Variants in GIT1 observed in about 807,000 individuals in gnomAD.
GIT1 encodes ARF GTPase-activating protein GIT1.
In GIT1, 14 loss-of-function variants were observed where a neutral mutation model predicts 91.7. The ratio of observed to expected loss-of-function variants is 0.15; its 90% CI spans 0.10 to 0.24. The LOEUF (loss-of-function observed/expected upper bound fraction) is 0.24. GIT1 is among the 10% of genes least tolerant of loss of function. The pLI is 1.00. For synonymous variants in GIT1, 414 were observed against 418.2 expected, an observed-to-expected ratio of 0.99 and a Z score of 0.12; for missense variants, 717 against 1,024.9, an observed-to-expected ratio of 0.70 and a Z score of 4.10.
In GIT1 at chr17:29,581,922, C is replaced by G; in HGVS notation, c.623+5G>C. 6.2e-7 allele frequency: 1 copy of G among 1,612,766 alleles called. No homozygotes were observed. Among genetic ancestry groups the G allele is most frequent in the East Asian group, 2.2e-5 (1 of 44,876 alleles). On this transcript the variant is annotated splice_donor_5th_base_variant and intron_variant, in intron 5 of 19. Coordinates refer to ENST00000225394, the MANE Select transcript of GIT1 (RefSeq NM_014030.4). The surrounding 1 kb of genome is among the most constrained non-coding windows in gnomAD (Gnocchi z 4.8). ...CCCACACTGCACCCTTCAGCCGACC[C>G]TCACCTGGCATAGTCAATGGGTGTG...
chr17:29,575,997 C>A lies in GIT1; in HGVS notation c.1665+81G>T. Reference sequence around the variant, plus strand: ...ACCAGGTCAGTCTAATCATCTTAAGCCCCGAATTCAGCACAGAGCCCAGAA... The same window carrying A: ...ACCAGGTCAGTCTAATCATCTTAAGACCCGAATTCAGCACAGAGCCCAGAA... On this transcript the variant is annotated intron_variant, in intron 15 of 19. Coordinates refer to ENST00000225394, the MANE Select transcript of GIT1 (RefSeq NM_014030.4). This position sits in a 1 kb window ranked among gnomAD's most constrained non-coding sequence, Gnocchi z 5.5. The A allele has an allele frequency of 6.4e-7, 1 of 1,557,384 alleles. No individual in the cohort carries two copies. Among genetic ancestry groups the A allele is most frequent in the Non-Finnish European group, 8.9e-7 (1 of 1,129,604 alleles).
Position 29,581,676 on chromosome 17 carries a change from C to G in GIT1, c.718+66G>C. ...CCATGGCACCTGCTGCCGGGTGCGTCCAGGTCCCACCTGCCCAGCCCCAGC... is the reference window on the plus strand; with the variant it reads ...CCATGGCACCTGCTGCCGGGTGCGTGCAGGTCCCACCTGCCCAGCCCCAGC... On this transcript the variant is annotated intron_variant, in intron 6 of 19. Transcript: ENST00000225394. This position sits in a 1 kb window ranked among gnomAD's most constrained non-coding sequence, Gnocchi z 4.8. The G allele has an allele frequency of 7.8e-7, 1 of 1,290,254 alleles. No homozygotes were observed. Among genetic ancestry groups the G allele is most frequent in the Non-Finnish European group, 1.1e-6 (1 of 899,790 alleles). 79.9% of individuals were successfully genotyped at this position (1,290,254 alleles called of 1,614,324 possible).
At position 29,578,360 on chromosome 17, in the gene GIT1, C is replaced by T; in HGVS notation, c.822G>A (p.Arg274=). The T allele has an allele frequency of 1.2e-6, 2 of 1,614,152 alleles. No homozygotes were observed. The highest frequency in any genetic ancestry group is 2.2e-5 in the South Asian group (2 of 91,080). Reference sequence around the variant, plus strand: ...CGTCCATGGCGAGTTCCTCAAAAAGCCGGTTGCTGAGCTGGAGGAAGAGAG... The same window carrying T: ...CGTCCATGGCGAGTTCCTCAAAAAGTCGGTTGCTGAGCTGGAGGAAGAGAG... The part of the protein sequence containing the change: ...AKKKLQALSN[R]LFEELAMDVY... The change falls in exon 9 of 20, where the codon CGG becomes CGA. Residue 274 remains arginine, a synonymous_variant. Transcript: ENST00000225394.
rs1232469914 is a variant in GIT1 at position 29,573,868 on chromosome 17, CAT to C, written c.*832_*833del. On this transcript the variant is annotated 3_prime_UTR_variant, in exon 20 of 20. Transcript: ENST00000225394. ...AGGGAAGTGGTTTTTGATTTAAGTT[CAT>C]AGAGAAGGGGCGAGAGTGGGGAGGG... 2 of 152,872 alleles carry C rather than the reference CAT, an allele frequency of 1.3e-5. No individual in the cohort carries two copies. The highest frequency in any genetic ancestry group is 2.1e-4 in the South Asian group (1 of 4,824). The allele number at this position is 152,872 out of a possible 1,614,324, so 9.5% of individuals were successfully genotyped here.
chr17:29,583,079 G>A (rs2033458550), intron 2 of GIT1, 42 bp from the exon 3 acceptor site: 1 of 1,269,038 alleles, frequency 7.9e-7, no homozygotes, highest in Non-Finnish European at 1.1e-6. Context: ...CCCACTGCGT[G>A]CTAAGCAATG....
In GIT1 at chr17:29,581,306, C is replaced by A; in HGVS notation, c.761+32G>T. On this transcript the variant is annotated intron_variant, in intron 7 of 19. Transcript: ENST00000225394. This position sits in a 1 kb window ranked among gnomAD's most constrained non-coding sequence, Gnocchi z 4.8. Reference sequence around the variant, plus strand: ...CAGCCACCCACATGGCATCCAACAGCCTCTGGAAAGGGGCATCAGGTGGGC... The same window carrying A: ...CAGCCACCCACATGGCATCCAACAGACTCTGGAAAGGGGCATCAGGTGGGC... 1 of 1,579,114 alleles carries A rather than the reference C, an allele frequency of 6.3e-7. No homozygotes were observed. The highest frequency in any genetic ancestry group is 8.7e-7 in the Non-Finnish European group (1 of 1,148,588).
Position 29,574,766 on chromosome 17 carries a change from G to A in GIT1, c.2222C>T (p.Ala741Val). ...CTTGGCAGCCTTGGCGATGTCATAG[G>A]CGCACTGGATCACCTGCTGAGTCAG... ...QLLTQQVIQC[A>V]YDIAKAAKQL... is the part of the protein sequence containing the mutation. The change falls in exon 20 of 20, where the codon GCC (alanine) becomes GTC (valine). Residue 741 changes from alanine to valine, a missense_variant. Ala to Val is a moderately conservative substitution (Grantham distance 64). This residue lies in a region of GIT1 where 134 missense variants were observed against 223.8 expected (regional missense o/e 0.60). Coordinates refer to ENST00000225394, the MANE Select transcript of GIT1 (RefSeq NM_014030.4). 1 of 1,613,546 alleles carries A rather than the reference G, an allele frequency of 6.2e-7. No individual in the cohort carries two copies. The highest frequency in any genetic ancestry group is 8.5e-7 in the Non-Finnish European group (1 of 1,179,968).
intron 1 of GIT1, among the ~76,000 whole-genome samples, chr17:29,584,820 A>C (rs2033532454): frequency 6.6e-6 from 1 of 152,160 alleles, no homozygotes; most frequent in African/African-American, 2.4e-5. Flanking sequence ...TTCCCCTCTA[A>C]GGACTTCCAC....
chr17:29,579,114 G>A, intron 7 of GIT1: 1 of 803,544 alleles, frequency 1.2e-6, no homozygotes, highest in Non-Finnish European at 2.2e-6. Context: ...GCCCAGAAGG[G>A]ACAAAGCTGA....
At position 29,582,152 on chromosome 17, in the gene GIT1, G is replaced by C; in HGVS notation, c.406-8C>G. 6.5e-7 allele frequency: 1 copy of C among 1,549,844 alleles called. No individual in the cohort carries two copies. The highest frequency in any genetic ancestry group is 1.4e-5 in the African/African-American group (1 of 73,560). On this transcript the variant is annotated splice_polypyrimidine_tract_variant and splice_region_variant and intron_variant, in intron 4 of 19. Coordinates refer to ENST00000225394, the MANE Select transcript of GIT1 (RefSeq NM_014030.4). ...CACGCTCGAGTGTAGTTGCTAAGAG[G>C]AGCAGAGTGTGCAGTGAATACGCAT...
rs566418874 is a variant in GIT1 at position 29,583,742 on chromosome 17, G to T, written c.53-126C>A. 406 of 1,094,346 alleles carry T rather than the reference G, an allele frequency of 3.7e-4. 4 individuals are homozygous for T. In the African/African-American group the frequency reaches 5.8e-3, roughly 16 times the overall value. 67.8% of individuals were successfully genotyped at this position (1,094,346 alleles called of 1,614,324 possible). A position where few individuals can be genotyped will look rare whatever the true frequency, so the allele number is the denominator to read the frequency against. On this transcript the variant is annotated intron_variant, in intron 1 of 19. Coordinates refer to ENST00000225394, the MANE Select transcript of GIT1 (RefSeq NM_014030.4). ...CACTCACTCAGTCTCCAACAGCCTA[G>T]GAGCTGGGACCATCACTACGGCCAG...
intron 7 of GIT1, chr17:29,579,369 G>T (rs946783723): frequency 3.5e-6 from 1 of 289,040 alleles, no homozygotes; most frequent in Non-Finnish European, 6.6e-6. Flanking sequence ...TGATTTTTTG[G>T]ATACACCTGG....
intron 7 of GIT1, 46 bp from the exon 8 acceptor site, chr17:29,578,825 A>G: frequency 6.3e-7 from 1 of 1,593,788 alleles, no homozygotes. Context: ...GAGAGACCTG[A>G]GAGGTGGCCA....
At chr17:29,588,659 G>A (rs1466677781) in intron 1 of GIT1, among the ~76,000 whole-genome samples, 4 of 152,044 alleles carry the variant, frequency 2.6e-5, no homozygotes, top group East Asian at 1.9e-4. Flanking sequence ...GGGTCCAGCC[G>A]AGCTGTTCCC....
chr17:29,587,279 A>G (rs1389730352), intron 1 of GIT1, among the ~76,000 whole-genome samples: 1 of 152,098 alleles, frequency 6.6e-6, no homozygotes, highest in Non-Finnish European at 1.5e-5. Context: ...GGATAGTCCC[A>G]AGCAGCCAGC....
At chr17:29,578,865 A>C (rs1176918699) in intron 7 of GIT1, 86 bp from the exon 8 acceptor site, 2 of 1,548,952 alleles carry the variant, frequency 1.3e-6, no homozygotes, top group East Asian at 4.5e-5. Flanking sequence ...CCCAACATGC[A>C]GGGATCCCGG....
Position 29,574,806 on chromosome 17 carries a change from C to T in GIT1, c.2182G>A (p.Val728Met). Residue 728 changes from valine (V) to methionine (M), a missense_variant, in exon 20 of 20, where the codon GTG becomes ATG. Physicochemically the swap from Val to Met is conservative, Grantham distance 21. Coordinates refer to ENST00000225394, the MANE Select transcript of GIT1 (RefSeq NM_014030.4). ...TGCTGAGTCAGCAGCTGGAAGTCCA[C>T]TGGGGCGCCGGGCTCTGGGGGCACT... is the stretch of plus-strand genomic sequence containing the variant. ...KTVPPEPGAP[V>M]DFQLLTQQVI... The T allele has an allele frequency of 6.2e-7, 1 of 1,612,290 alleles. No homozygotes were observed.
At chr17:29,585,924 G>A (rs1324038368) in intron 1 of GIT1, among the ~76,000 whole-genome samples, 3 of 152,256 alleles carry the variant, frequency 2.0e-5, no homozygotes, top group East Asian at 3.9e-4. Flanking sequence ...GTTAACCAGT[G>A]CCAACCCCAT....
chr17:29,585,377 T>C (rs8076332), intron 1 of GIT1, among the ~76,000 whole-genome samples: 4 of 152,086 alleles, frequency 2.6e-5, no homozygotes, highest in African/African-American at 9.7e-5. Flanking sequence ...AATGGGCTGA[T>C]CTGAGGTCTG....
Sources: gnomAD v4.1 joint callset for allele counts (sites outside exome capture counted in the v4.1 genomes callset) on GRCh38, gnomAD v4.1.1 for gene constraint, gnomAD v4.1.1 regional missense constraint, Gnocchi (gnomAD v3.1) non-coding constraint, MANE v1.5 for transcripts, NCBI Gene and HGNC (gene_info 2026-07-23, HGNC 2026-07-21) for gene names.